Variants in ZFPM1 observed in about 807,000 individuals in gnomAD.
ZFPM1 encodes the protein zinc finger protein, FOG family member 1, also known as zinc finger protein ZFPM1.
ZFPM1 carries 28 observed loss-of-function variants against 46.3 expected under a neutral mutation model. The ratio of observed to expected loss-of-function variants is 0.60; its 90% confidence interval spans 0.45 to 0.83. The LOEUF (loss-of-function observed/expected upper bound fraction) is 0.83, where lower values mean the gene tolerates loss of function less well. ZFPM1 is among the 40% of genes least tolerant of loss of function. The pLI, the probability that ZFPM1 is intolerant of heterozygous loss-of-function variation, is 0.00. For missense variants in ZFPM1, 1,878 were observed against 1,432.4 expected, an observed-to-expected ratio of 1.31 and a Z score of -5.02; for synonymous variants, 957 against 675.9, an observed-to-expected ratio of 1.42 and a Z score of -6.45.
At chr16:88,479,892 G>A (rs1908856217) in intron 1 of ZFPM1, among the ~76,000 whole-genome samples, 1 of 106,358 alleles carries the variant, frequency 9.4e-6, no homozygotes, top group East Asian at 3.6e-4. Context: ...TCCTCCCCCA[G>A]CCCTGGCCTT....
intron 1 of ZFPM1, among the ~76,000 whole-genome samples, chr16:88,462,814 G>A (rs904791): frequency 0.33 from 50,132 of 150,056 alleles, 8,635 homozygotes; most frequent in East Asian, 0.49. Flanking sequence ...AAGTCACTCA[G>A]CCACCCTGAG....
chr16:88,533,054 C>G, intron 9 of ZFPM1, 94 bp from the exon 10 acceptor site: 7 of 1,403,296 alleles, frequency 5.0e-6, no homozygotes, highest in Non-Finnish European at 6.7e-6. Context: ...AAACCACTCC[C>G]GCCCACCCCT....
At chr16:88,474,631 A>C (rs1431896180) in intron 1 of ZFPM1, among the ~76,000 whole-genome samples, 3 of 151,966 alleles carry the variant, frequency 2.0e-5, no homozygotes. Flanking sequence ...CTTCTCAGTC[A>C]CAGGTAAAGG....
chr16:88,472,210 GCAGGTGCCCA>G (rs1028776078), intron 1 of ZFPM1, among the ~76,000 whole-genome samples: 4 of 151,642 alleles, frequency 2.6e-5, no homozygotes, highest in African/African-American at 9.8e-5. Context: ...GGTGGGCAGG[GCAGGTGCCCA>G]CAGGGTGGGG....
At chr16:88,532,758 T>C in intron 8 of ZFPM1, 31 bp from the exon 9 acceptor site, 1 of 1,612,848 alleles carries the variant, frequency 6.2e-7, no homozygotes, top group Non-Finnish European at 8.5e-7. Flanking sequence ...CTCCCCGCCC[T>C]GGGCCTTGAC....
At chr16:88,489,332 C>T in intron 3 of ZFPM1, 179 bp downstream of exon 3, 1 of 1,014,122 alleles carries the variant, frequency 9.9e-7, no homozygotes, top group Admixed American at 3.2e-5. Flanking sequence ...ATCACTGGAG[C>T]TTGGCACCCT....
chr16:88,468,055 C>T lies in ZFPM1; in HGVS notation c.40+14377C>T, dbSNP rs1394219041. ...GAGCCCACCGCCCCTCACGCCCCCGCGAGCCCACCGCCCCGACCCACCCGC... is the reference window on the plus strand; with the variant it reads ...GAGCCCACCGCCCCTCACGCCCCCGTGAGCCCACCGCCCCGACCCACCCGC... On this transcript the variant is annotated intron_variant, in intron 1 of 9. Coordinates refer to ENST00000319555, the MANE Select transcript of ZFPM1 (RefSeq NM_153813.3). 3.6e-3 allele frequency among the ~76,000 whole-genome samples: 503 copies of T among 139,752 alleles called. 4 individuals carry two copies. The highest frequency in any genetic ancestry group is 6.9e-3 in the Non-Finnish European group (440 of 63,642). The allele number at this position is 139,752 out of a possible 152,430, so 91.7% of individuals were successfully genotyped here.
intron 1 of ZFPM1, among the ~76,000 whole-genome samples, chr16:88,459,367 G>A (rs184112202): frequency 1.3e-5 from 2 of 152,290 alleles, no homozygotes; most frequent in Admixed American, 1.3e-4. Flanking sequence ...CCACTTACTG[G>A]CCGTGGAACT....
chr16:88,528,759 A>G (rs1379755442), intron 6 of ZFPM1, among the ~76,000 whole-genome samples: 2 of 151,836 alleles, frequency 1.3e-5, no homozygotes, highest in East Asian at 3.9e-4. Context: ...TTTTTTCGAG[A>G]CAAGGTCTCA....
At chr16:88,458,352 C>T (rs1249586193) in intron 1 of ZFPM1, among the ~76,000 whole-genome samples, 2 of 152,184 alleles carry the variant, frequency 1.3e-5, no homozygotes, top group Admixed American at 6.5e-5. Flanking sequence ...GGAGGGGGTC[C>T]CCTGGGAGGC....
rs530375125 is a variant in ZFPM1, at chr16:88,495,026, C to A, written c.268+5873C>A. Among the ~76,000 whole-genome samples, 5 of 152,062 alleles carry A rather than the reference C, an allele frequency of 3.3e-5. No homozygotes were observed. The East Asian group carries it at 9.6e-4, about 29-fold the overall frequency. ...AGCCATAATCTATAATCCCTGCACGCGCTCGGGAGCAGCTCGGCCGTGGCT... is the reference window on the plus strand; with the variant it reads ...AGCCATAATCTATAATCCCTGCACGAGCTCGGGAGCAGCTCGGCCGTGGCT... On this transcript the variant is annotated intron_variant, in intron 3 of 9. Coordinates refer to ENST00000319555, the MANE Select transcript of ZFPM1 (RefSeq NM_153813.3).
chr16:88,524,918 G>T (rs1272924148), intron 4 of ZFPM1, among the ~76,000 whole-genome samples: 1 of 152,190 alleles, frequency 6.6e-6, no homozygotes, highest in African/African-American at 2.4e-5. Flanking sequence ...GGGACTGCAG[G>T]GTTGCACCCA....
At chr16:88,500,191 C>G (rs959920009) in intron 3 of ZFPM1, among the ~76,000 whole-genome samples, 14 of 147,620 alleles carry the variant, frequency 9.5e-5, no homozygotes, top group Admixed American at 9.4e-4. Context: ...TCCCAGACAT[C>G]TCGGGGGCAG....
At position 88,501,682 on chromosome 16, in the gene ZFPM1, G is replaced by C. The variant is rs779637698; in HGVS notation, c.268+12529G>C. On this transcript the variant is annotated intron_variant, in intron 3 of 9. Transcript: ENST00000319555. ...GCTGGTGATGATAGAGATAGCGGGT[G>C]TGGGTGCAGGGCCTCTCCCGCAGGT... Among the ~76,000 whole-genome samples, 92 of 129,910 alleles carry C rather than the reference G, an allele frequency of 7.1e-4. 7 individuals are homozygous for C. Among genetic ancestry groups the C allele is most frequent in the African/African-American group, 2.3e-3 (74 of 31,976 alleles). 85.2% of individuals were successfully genotyped at this position (129,910 alleles called of 152,430 possible).
At chr16:88,467,447 G>A (rs376411046) in intron 1 of ZFPM1, among the ~76,000 whole-genome samples, 1 of 152,216 alleles carries the variant, frequency 6.6e-6, no homozygotes, top group African/African-American at 2.4e-5. Context: ...CTCGAGGAAG[G>A]AGCTCAGCAC....
At chr16:88,503,083 G>GC (rs1567542310) in intron 3 of ZFPM1, among the ~76,000 whole-genome samples, 1 of 152,246 alleles carries the variant, frequency 6.6e-6, no homozygotes, top group African/African-American at 2.4e-5. Context: ...TGAGCACGGC[G>GC]CCCCTGGGAC....
chr16:88,501,741 C>CG (rs1910350955), intron 3 of ZFPM1, among the ~76,000 whole-genome samples: 2 of 133,136 alleles, frequency 1.5e-5, no homozygotes, highest in African/African-American at 6.2e-5. Context: ...GTGTGGGTGC[C>CG]GGGCCCTCCC....
At chr16:88,483,868 T>G (rs1346166545) in intron 1 of ZFPM1, among the ~76,000 whole-genome samples, 1 of 152,128 alleles carries the variant, frequency 6.6e-6, no homozygotes, top group African/African-American at 2.4e-5. Context: ...AAATCCACCT[T>G]CCCGCCTCCC....
intron 4 of ZFPM1, chr16:88,516,424 C>A (rs988672189): frequency 1.0e-5 from 4 of 397,748 alleles, no homozygotes; most frequent in Non-Finnish European, 1.8e-5. Context: ...TCTGGGGGCA[C>A]AAGGGGAGCC....
Sources: allele counts gnomAD v4.1 joint callset (sites outside exome capture counted in the v4.1 genomes callset), GRCh38; gene constraint gnomAD v4.1.1; transcripts MANE v1.5; gene names NCBI Gene and HGNC (gene_info 2026-07-23, HGNC 2026-07-21).